Variants in ZNF521 observed in about 807,000 individuals in gnomAD.
ZNF521 encodes LYST-interacting protein 3.
Under a neutral mutation model 105.5 loss-of-function variants are expected in ZNF521, and 14 were observed. The ratio of observed to expected loss-of-function variants is 0.13; its 90% CI spans 0.09 to 0.21. The LOEUF (loss-of-function observed/expected upper bound fraction) is 0.21, where lower values mean the gene tolerates loss of function less well. ZNF521 is among the 10% of genes least tolerant of loss of function. ZNF521 has a pLI of 1.00. For synonymous variants in ZNF521, 635 were observed against 606.0 expected (o/e 1.05, Z -0.70); for missense variants, 1,233 against 1,629.7 (o/e 0.76, Z 4.19).
intron 3 of ZNF521, among the ~76,000 whole-genome samples, chr18:25,279,774 A>G (rs1910251161): frequency 6.6e-6 from 1 of 152,148 alleles, no homozygotes; most frequent in East Asian, 1.9e-4. Flanking sequence ...GGTTCTAATG[A>G]CTAACCACTT....
At chr18:25,336,712 C>A (rs1396562254) in intron 2 of ZNF521, among the ~76,000 whole-genome samples, 3 of 152,148 alleles carry the variant, frequency 2.0e-5, no homozygotes, top group Non-Finnish European at 4.4e-5. Flanking sequence ...CTCTAGCCCC[C>A]ACAAAACAGG....
intron 4 of ZNF521, among the ~76,000 whole-genome samples, chr18:25,215,522 C>T (rs2036264571): frequency 6.6e-6 from 1 of 152,176 alleles, no homozygotes; most frequent in South Asian, 2.1e-4. Context: ...AAATGTTTCT[C>T]CTAGACAGAG....
At chr18:25,229,944 T>C (rs1402303510) in intron 3 of ZNF521, among the ~76,000 whole-genome samples, 1 of 152,208 alleles carries the variant, frequency 6.6e-6, no homozygotes. Context: ...TAAAGAATTA[T>C]AGAGCAATGG....
intron 3 of ZNF521, among the ~76,000 whole-genome samples, chr18:25,308,538 C>T (rs563176780): frequency 2.5e-4 from 38 of 151,972 alleles, no homozygotes; most frequent in Non-Finnish European, 5.0e-4. Context: ...TCTCTTCTGT[C>T]GACCTGAAGC....
At chr18:25,087,481 T>C (rs1487609600) in intron 7 of ZNF521, among the ~76,000 whole-genome samples, 1 of 152,226 alleles carries the variant, frequency 6.6e-6, no homozygotes, top group African/African-American at 2.4e-5. Flanking sequence ...GCAAACATTT[T>C]TGTTTTCAAG....
chr18:25,290,527 G>T (rs1271874952), intron 3 of ZNF521, among the ~76,000 whole-genome samples: 1 of 151,718 alleles, frequency 6.6e-6, no homozygotes, highest in African/African-American at 2.4e-5. Context: ...ACCACTGTTT[G>T]CTACCAAATT....
At chr18:25,330,095 CTAAA>C (rs1479855668) in intron 2 of ZNF521, among the ~76,000 whole-genome samples, 2 of 152,044 alleles carry the variant, frequency 1.3e-5, no homozygotes, top group Non-Finnish European at 1.5e-5. Flanking sequence ...TCTCACTTAC[CTAAA>C]TAGTGACAAA....
intron 1 of ZNF521, chr18:25,351,366 A>G (rs2145246766): frequency 6.6e-6 from 1 of 151,344 alleles, no homozygotes; most frequent in East Asian, 1.9e-4. Flanking sequence ...CAAAATTCAC[A>G]TAGTTCATGC....
chr18:25,300,252 T>C (rs1911560243), intron 3 of ZNF521, among the ~76,000 whole-genome samples: 1 of 152,148 alleles, frequency 6.6e-6, no homozygotes, highest in African/African-American at 2.4e-5. Flanking sequence ...CCAATCAACC[T>C]GGTGAAAAGC....
intron 3 of ZNF521, among the ~76,000 whole-genome samples, chr18:25,239,964 CT>C (rs955006196): frequency 1.3e-5 from 2 of 151,794 alleles, no homozygotes; most frequent in South Asian, 2.1e-4. Context: ...CTCAAGCTCT[CT>C]TTTTTTTCAA....
intron 5 of ZNF521, among the ~76,000 whole-genome samples, chr18:25,163,900 C>A (rs1174611911): frequency 6.6e-6 from 1 of 152,130 alleles, no homozygotes; most frequent in Non-Finnish European, 1.5e-5. Context: ...TACAGAAAAG[C>A]TGTCCTTTCA....
intron 6 of ZNF521, among the ~76,000 whole-genome samples, chr18:25,091,040 C>A (rs2033734198): frequency 6.6e-6 from 1 of 152,156 alleles, no homozygotes; most frequent in South Asian, 2.1e-4. Context: ...ATGAACATGG[C>A]CCCTCTTTAT....
intron 3 of ZNF521, among the ~76,000 whole-genome samples, chr18:25,272,012 C>T (rs1909692991): frequency 6.6e-6 from 1 of 152,148 alleles, no homozygotes; most frequent in African/African-American, 2.4e-5. Context: ...GCAATCTATC[C>T]ATCTGACAAA....
At chr18:25,268,100 A>G (rs1402812835) in intron 3 of ZNF521, among the ~76,000 whole-genome samples, 1 of 152,216 alleles carries the variant, frequency 6.6e-6, no homozygotes, top group Non-Finnish European at 1.5e-5. Context: ...GAACTGATGG[A>G]GCTTAAAAAC....
Position 25,212,244 on chromosome 18 carries a change from G to A in ZNF521, c.3573+12101C>T, listed in dbSNP as rs931522840. Among the ~76,000 whole-genome samples the A allele has an allele frequency of 1.4e-4, 22 of 151,736 alleles. No individual in the cohort carries two copies. In the South Asian group the frequency reaches 2.1e-3, roughly 14 times the overall value. ...AATATTTTAATGGCCGGGCATGGTG[G>A]CTCACGCCTGTAATCCTAGCACTTT... is the stretch of plus-strand genomic sequence containing the variant. On this transcript the variant is annotated intron_variant, in intron 4 of 7. Coordinates refer to ENST00000361524, the MANE Select transcript of ZNF521 (RefSeq NM_015461.3).
chr18:25,351,927 C>CAGGAGGAGG (rs993170668), intron 1 of ZNF521, 78 bp downstream of exon 1: 12 of 280,960 alleles, frequency 4.3e-5, no homozygotes, highest in Non-Finnish European at 7.9e-5. Flanking sequence ...GCGGCGAGAG[C>CAGGAGGAGG]AGGAGGAGGA....
intron 5 of ZNF521, among the ~76,000 whole-genome samples, chr18:25,096,672 A>G (rs938160913): frequency 3.3e-5 from 5 of 152,130 alleles, no homozygotes; most frequent in African/African-American, 1.2e-4. Context: ...GGGCCCCCTT[A>G]TATCGTCTGA....
intron 7 of ZNF521, among the ~76,000 whole-genome samples, chr18:25,068,434 G>A (rs1402845771): frequency 2.0e-5 from 3 of 152,126 alleles, no homozygotes; most frequent in East Asian, 1.9e-4. Context: ...ACATACAGTC[G>A]TGCAGTTACA....
At chr18:25,220,910 C>G (rs1905679395) in intron 4 of ZNF521, among the ~76,000 whole-genome samples, 1 of 152,164 alleles carries the variant, frequency 6.6e-6, no homozygotes, top group Admixed American at 6.5e-5. Flanking sequence ...AACATTTATT[C>G]AACGTATAGT....
Sources: allele counts gnomAD v4.1 joint callset (sites outside exome capture counted in the v4.1 genomes callset), GRCh38; gene constraint gnomAD v4.1.1; transcripts MANE v1.5; gene names NCBI Gene and HGNC (gene_info 2026-07-23, HGNC 2026-07-21).